The following DGKD variants were observed in gnomAD, a reference collection of about 807,000 sequenced individuals.
The protein encoded by DGKD is diacylglycerol kinase delta.
A neutral mutation model predicts 154.4 loss-of-function variants in DGKD; 68 were observed. That is an observed-to-expected ratio of 0.44 (90% CI 0.36 to 0.54). DGKD has a LOEUF of 0.54. Ranked by LOEUF, DGKD falls within the 20% of genes least tolerant of loss-of-function variation. The pLI, the probability that DGKD is intolerant of heterozygous loss-of-function variation, is 0.00. For synonymous variants in DGKD, 693 were observed against 638.0 expected (o/e 1.09, Z -1.30); for missense variants, 1,343 against 1,593.6 (o/e 0.84, Z 2.68).
Position 233,438,472 on chromosome 2 carries a change from G to C in DGKD, c.1085+93G>C. 1 of 1,422,234 alleles carries C rather than the reference G, an allele frequency of 7.0e-7. No homozygotes were observed. Among genetic ancestry groups the C allele is most frequent in the Middle Eastern group, 2.2e-4 (1 of 4,514 alleles). 88.1% of individuals were successfully genotyped at this position (1,422,234 alleles called of 1,614,324 possible). ...AAAAAAAAAAGTTCAAAGACACAAA[G>C]CTTTAAATAGGAAAGAAAAGTTGAA... On this transcript the variant is annotated intron_variant, in intron 9 of 29. Coordinates refer to ENST00000264057, the MANE Select transcript of DGKD (RefSeq NM_152879.3). This position sits in a 1 kb window ranked among gnomAD's most constrained non-coding sequence, Gnocchi z 4.1.
chr2:233,438,082 C>A lies in DGKD; in HGVS notation c.923-135C>A. On this transcript the variant is annotated intron_variant, in intron 8 of 29. Transcript: ENST00000264057. The surrounding 1 kb of genome is among the most constrained non-coding windows in gnomAD (Gnocchi z 4.1). ...CCGGCTGTGGGGAACTGTTCACTGA[C>A]CTCCTCCTGACTTACAGGTGTGCAT... 1 of 992,802 alleles carries A rather than the reference C, an allele frequency of 1.0e-6. No homozygotes were observed. The highest frequency in any genetic ancestry group is 1.5e-6 in the Non-Finnish European group (1 of 662,030). The allele number at this position is 992,802 out of a possible 1,614,324, so 61.5% of individuals were successfully genotyped here.
intron 1 of DGKD, among the ~76,000 whole-genome samples, chr2:233,367,229 CTTT>C (rs11365397): frequency 6.9e-6 from 1 of 144,076 alleles, no homozygotes; most frequent in Non-Finnish European, 1.5e-5. Context: ...GTATTAATGA[CTTT>C]TTTTTTTTTT....
chr2:233,435,817 G>T lies in DGKD; in HGVS notation c.587-1G>T, dbSNP rs2062672630. 2 of 1,610,370 alleles carry T rather than the reference G, an allele frequency of 1.2e-6. No homozygotes were observed. Among genetic ancestry groups the T allele is most frequent in the Non-Finnish European group, 1.7e-6 (2 of 1,178,272 alleles). ...AGGCTCATGTGCCCCTTCTCTCACA[G>T]TGTGCAAATTTAAGGCCCACAAGCG... On this transcript the variant is annotated splice_acceptor_variant, in intron 5 of 29. Transcript: ENST00000264057. LOFTEE classifies it high-confidence loss of function.
At position 233,450,992 on chromosome 2, in the gene DGKD, G is replaced by A. The variant is rs755690110; in HGVS notation, c.2109G>A (p.Pro703=). ...CCCTAGGCAGTTCTGCTTCCCTTCC[G>A]CCCCAGCCGGGAAGCCGGGACGGCC... ...SLSLGSSASL[P]PQPGSRDGLP... is the part of the protein sequence containing the mutation. Residue 703 remains proline, a synonymous_variant, in exon 17 of 30, where the codon CCG becomes CCA. Transcript: ENST00000264057. 2.1e-5 allele frequency: 34 copies of A among 1,612,212 alleles called. No homozygotes were observed. The highest frequency in any genetic ancestry group is 1.6e-4 in the South Asian group (15 of 91,048).
rs902624439 is a variant in DGKD at position 233,405,400 on chromosome 2, C to T, written c.348+14917C>T. 5.3e-5 allele frequency among the ~76,000 whole-genome samples: 8 copies of T among 152,116 alleles called. No individual in the cohort carries two copies. The South Asian group carries it at 6.2e-4, about 12-fold the overall frequency. On this transcript the variant is annotated intron_variant, in intron 3 of 29. Coordinates refer to ENST00000264057, the MANE Select transcript of DGKD (RefSeq NM_152879.3). ...GGGTGTGTTGGCACATGCCTGTAAT[C>T]CCAGCTACTCAGGAGGCTGAGGCAG... is the stretch of plus-strand genomic sequence containing the variant.
At chr2:233,390,324 T>G (rs1575023375) in intron 2 of DGKD, 79 bp from the exon 3 acceptor site, 1 of 978,094 alleles carries the variant, frequency 1.0e-6, no homozygotes, top group Non-Finnish European at 1.6e-6. Context: ...ATCATTGGGG[T>G]GTGGTGGGCA....
In DGKD at chr2:233,460,374, T is replaced by G. The variant is rs765243184; in HGVS notation, c.2981+29T>G. 5.0e-6 allele frequency: 8 copies of G among 1,611,674 alleles called. No individual in the cohort carries two copies. The Admixed American group carries it at 1.3e-4, about 27-fold the overall frequency. On this transcript the variant is annotated intron_variant, in intron 24 of 29. Transcript: ENST00000264057. ...GGCTCCTACCCCTCTGCGTTGCGCA[T>G]GAGCCTCCCCCAGGGTCCCTGGGAC...
intron 1 of DGKD, among the ~76,000 whole-genome samples, chr2:233,367,482 G>A (rs1004864777): frequency 1.3e-5 from 2 of 152,076 alleles, no homozygotes; most frequent in African/African-American, 4.8e-5. Flanking sequence ...GCCCACCTCG[G>A]CCTCCCAAAG....
At chr2:233,462,523 G>C in intron 25 of DGKD, 64 bp downstream of exon 25, 1 of 1,541,544 alleles carries the variant, frequency 6.5e-7, no homozygotes, top group East Asian at 2.3e-5. Context: ...GGCCCTCCCC[G>C]TGCGTGTTCA....
At chr2:233,450,383 C>T (rs1165455607) in intron 16 of DGKD, among the ~76,000 whole-genome samples, 1 of 152,144 alleles carries the variant, frequency 6.6e-6, no homozygotes, top group Non-Finnish European at 1.5e-5. Flanking sequence ...AGGACTGCCT[C>T]CCTGAGGAGC....
rs755929458 is a variant in DGKD, at chr2:233,460,304, G to A, written c.2940G>A (p.Gln980=). 6.2e-6 allele frequency: 10 copies of A among 1,614,062 alleles called. No homozygotes were observed. The highest frequency in any genetic ancestry group is 8.5e-6 in the Non-Finnish European group (10 of 1,180,000). ...PEMLSEEEAT[Q]MDQFGQAAGV... The stretch of plus-strand genomic sequence containing the variant: ...TGCTGTCCGAGGAGGAGGCCACCCA[G>A]ATGGACCAGTTTGGGCAGGCAGCAG... Residue 980 remains glutamine (Q), a synonymous_variant, in exon 24 of 30, where the codon CAG becomes CAA. Transcript: ENST00000264057.
chr2:233,431,873 CTG>C (rs1342419622), intron 3 of DGKD, among the ~76,000 whole-genome samples: 1 of 152,178 alleles, frequency 6.6e-6, no homozygotes, highest in African/African-American at 2.4e-5. Flanking sequence ...TGTGAAAACA[CTG>C]GGGAAACTTT....
intron 1 of DGKD, among the ~76,000 whole-genome samples, chr2:233,387,790 C>G (rs1268493097): frequency 6.6e-6 from 1 of 152,114 alleles, no homozygotes; most frequent in Non-Finnish European, 1.5e-5. Flanking sequence ...CTTCTGAGCC[C>G]CAGAGCCGCT....
At chr2:233,436,687 C>T (rs2062708550) in intron 7 of DGKD, among the ~76,000 whole-genome samples, 1 of 152,396 alleles carries the variant, frequency 6.6e-6, no homozygotes, top group African/African-American at 2.4e-5. Flanking sequence ...TGACAGATGT[C>T]ACCCTGCATC....
intron 1 of DGKD, chr2:233,385,836 G>A (rs959387796): frequency 9.3e-5 from 38 of 406,906 alleles, no homozygotes; most frequent in African/African-American, 5.8e-4. Flanking sequence ...TTCTGAGAAG[G>A]CTTCAAAGAA....
intron 3 of DGKD, chr2:233,429,283 C>T (rs563507294): frequency 1.1e-4 from 113 of 985,252 alleles, no homozygotes; most frequent in Non-Finnish European, 1.3e-4. Context: ...TAATATAATC[C>T]CCGAGTTATG....
At chr2:233,364,706 A>G (rs1290894500) in intron 1 of DGKD, among the ~76,000 whole-genome samples, 2 of 152,176 alleles carry the variant, frequency 1.3e-5, no homozygotes, top group Admixed American at 1.3e-4. Flanking sequence ...AAAGGAGAGA[A>G]AACACTGAAC....
intron 3 of DGKD, among the ~76,000 whole-genome samples, chr2:233,432,006 A>G (rs1367653484): frequency 6.6e-6 from 1 of 152,254 alleles, no homozygotes; most frequent in Non-Finnish European, 1.5e-5. Context: ...AAGCAGTGAA[A>G]AAAAGCTCCT....
intron 1 of DGKD, among the ~76,000 whole-genome samples, chr2:233,372,441 C>T (rs749506199): frequency 2.6e-5 from 4 of 151,906 alleles, no homozygotes; most frequent in Non-Finnish European, 4.4e-5. Flanking sequence ...AGTATTTGAA[C>T]TCTGATAAAA....
Sources: gnomAD v4.1 joint callset for allele counts (sites outside exome capture counted in the v4.1 genomes callset) on GRCh38, gnomAD v4.1.1 for gene constraint, Gnocchi (gnomAD v3.1) non-coding constraint, MANE v1.5 for transcripts, NCBI Gene and HGNC (gene_info 2026-07-23, HGNC 2026-07-21) for gene names.